Variants in CRACD observed in about 807,000 individuals in gnomAD.
CRACD encodes capping protein inhibiting regulator of actin dynamics.
CRACD carries 56 observed loss-of-function variants against 106.8 expected under a neutral mutation model. The ratio of observed to expected loss-of-function variants is 0.52; its 90% confidence interval spans 0.42 to 0.66. The LOEUF (loss-of-function observed/expected upper bound fraction) is 0.66. Ranked by LOEUF, CRACD falls within the 30% of genes least tolerant of loss-of-function variation. The pLI, the probability that CRACD is intolerant of heterozygous loss-of-function variation, is 0.00. For synonymous variants in CRACD, 754 were observed against 670.8 expected, an observed-to-expected ratio of 1.12 and a Z score of -1.92; for missense variants, 1,730 against 1,623.2, an observed-to-expected ratio of 1.07 and a Z score of -1.13.
intron 2 of CRACD, among the ~76,000 whole-genome samples, chr4:56,268,152 TTAAA>T (rs1463582174): frequency 6.6e-6 from 1 of 152,258 alleles, no homozygotes; most frequent in Non-Finnish European, 1.5e-5. Flanking sequence ...TACCTGTTGG[TTAAA>T]TAGATGAGTA....
chr4:56,059,431 G>T (rs1378537042), intron 1 of CRACD, among the ~76,000 whole-genome samples: 1 of 152,194 alleles, frequency 6.6e-6, no homozygotes, highest in Non-Finnish European at 1.5e-5. Flanking sequence ...AGCCGAGATT[G>T]TGCCACTGAA....
chr4:56,173,265 A>G (rs1465902718), intron 1 of CRACD, among the ~76,000 whole-genome samples: 2 of 152,222 alleles, frequency 1.3e-5, no homozygotes, highest in Non-Finnish European at 2.9e-5. Flanking sequence ...CTTCTCCTTC[A>G]AAACATGCAT....
intron 4 of CRACD, among the ~76,000 whole-genome samples, chr4:56,302,497 C>T (rs966778415): frequency 3.3e-5 from 5 of 152,190 alleles, no homozygotes; most frequent in African/African-American, 9.7e-5. Flanking sequence ...TGGCTTGTAT[C>T]TCCCACCGAG....
intron 2 of CRACD, among the ~76,000 whole-genome samples, chr4:56,188,705 C>CAGAGAG (rs1347669625): frequency 6.6e-5 from 9 of 136,200 alleles, no homozygotes; most frequent in African/African-American, 2.7e-4. Context: ...CACACACACA[C>CAGAGAG]ACACACAGAG....
At chr4:56,266,015 C>G (rs1290858177) in intron 2 of CRACD, among the ~76,000 whole-genome samples, 1 of 150,964 alleles carries the variant, frequency 6.6e-6, no homozygotes, top group African/African-American at 2.4e-5. Context: ...ATGCAGCCAT[C>G]AAATGGTATG....
At chr4:56,117,135 C>T (rs75895086) in intron 1 of CRACD, among the ~76,000 whole-genome samples, 6,665 of 151,742 alleles carry the variant, frequency 0.044, 160 homozygotes, top group East Asian at 0.065. Context: ...ATTCTCCCAC[C>T]TTAGCCTCCT....
At chr4:56,266,576 G>A (rs1023487298) in intron 2 of CRACD, among the ~76,000 whole-genome samples, 2 of 152,158 alleles carry the variant, frequency 1.3e-5, no homozygotes, top group Admixed American at 1.3e-4. Context: ...CAGTTGTTCC[G>A]GAATATTTCC....
At chr4:56,302,037 T>A (rs1744399247) in intron 4 of CRACD, among the ~76,000 whole-genome samples, 1 of 151,928 alleles carries the variant, frequency 6.6e-6, no homozygotes, top group South Asian at 2.1e-4. Flanking sequence ...CAGAATGCAG[T>A]GGAATATAAA....
chr4:56,148,482 T>TG (rs746835025), intron 1 of CRACD, among the ~76,000 whole-genome samples: 13 of 152,134 alleles, frequency 8.5e-5, no homozygotes, highest in Non-Finnish European at 1.3e-4. Flanking sequence ...TTTGTGGAGA[T>TG]GGGGTCTCAC....
chr4:56,261,478 G>A (rs182520142), intron 2 of CRACD, among the ~76,000 whole-genome samples: 1 of 150,948 alleles, frequency 6.6e-6, no homozygotes, highest in Non-Finnish European at 1.5e-5. Context: ...AGCCTCCCCA[G>A]TAGCTTGGAT....
chr4:56,323,304 T>G, intron 8 of CRACD, 73 bp from the exon 9 acceptor site: 1 of 1,336,606 alleles, frequency 7.5e-7, no homozygotes, highest in Non-Finnish European at 1.0e-6. Flanking sequence ...GTCACAAGTT[T>G]TAGGGGGTGA....
chr4:56,316,101 A>G lies in CRACD; in HGVS notation c.2599A>G (p.Lys867Glu). 1 of 1,611,876 alleles carries G rather than the reference A, an allele frequency of 6.2e-7. No homozygotes were observed. The highest frequency in any genetic ancestry group is 8.5e-7 in the Non-Finnish European group (1 of 1,178,622). Reference protein sequence around the residue: ...RFNCDQQAEQKKKKRHSSTGD... With the variant: ...RFNCDQQAEQEKKKRHSSTGD... Reference sequence around the variant, plus strand: ...CAACTGCGACCAACAGGCAGAACAGAAGAAGAAGAAGAGGCACAGCAGCAC... The same window carrying G: ...CAACTGCGACCAACAGGCAGAACAGGAGAAGAAGAAGAGGCACAGCAGCAC... The change falls in exon 8 of 11, where the codon AAG becomes GAG. Residue 867 changes from lysine (K) to glutamate (E), a missense_variant. Physicochemically the swap from Lys to Glu is moderately conservative, Grantham distance 56 (BLOSUM62 1). Around this residue, in one of 5 missense-constraint regions of CRACD, gnomAD observed 1,620 missense variants for 1,481.6 expected, o/e 1.09. Transcript: ENST00000682029.
At chr4:56,266,327 T>G (rs1260287608) in intron 2 of CRACD, among the ~76,000 whole-genome samples, 1 of 152,192 alleles carries the variant, frequency 6.6e-6, no homozygotes, top group East Asian at 1.9e-4. Flanking sequence ...TCATAGCTAG[T>G]AAAAGATGGG....
chr4:56,180,113 A>G (rs1736750167), intron 2 of CRACD, among the ~76,000 whole-genome samples: 1 of 152,128 alleles, frequency 6.6e-6, no homozygotes, highest in Non-Finnish European at 1.5e-5. Context: ...TTTGAGCCAT[A>G]GAGCTTGGTC....
At chr4:56,148,029 C>A (rs1178023379) in intron 1 of CRACD, among the ~76,000 whole-genome samples, 1 of 152,094 alleles carries the variant, frequency 6.6e-6, no homozygotes. Flanking sequence ...AGGGAAAAGG[C>A]CATGTGAAGA....
chr4:56,105,214 G>T (rs1484826646), intron 1 of CRACD, among the ~76,000 whole-genome samples: 1 of 152,076 alleles, frequency 6.6e-6, no homozygotes, highest in Non-Finnish European at 1.5e-5. Context: ...AATAATGTTT[G>T]CTGGCAGGGC....
intron 1 of CRACD, among the ~76,000 whole-genome samples, chr4:56,108,991 C>T (rs1004238604): frequency 1.3e-5 from 2 of 152,156 alleles, no homozygotes; most frequent in African/African-American, 4.8e-5. Context: ...ATCCAGCCTC[C>T]CACAAGAAGC....
chr4:56,203,456 G>C (rs17745288), intron 2 of CRACD, among the ~76,000 whole-genome samples: 5,057 of 152,238 alleles, frequency 0.033, 116 homozygotes, highest in Admixed American at 0.058. Context: ...TTTTCATGAT[G>C]GACCCTGGGT....
In CRACD at chr4:56,315,429, G is replaced by T; in HGVS notation, c.1927G>T (p.Gly643Cys). The change falls in exon 8 of 11, where the codon GGC (glycine) becomes TGC (cysteine). Residue 643 changes from glycine to cysteine, a missense_variant. This residue lies in a region of CRACD where 1,620 missense variants were observed against 1,481.6 expected (regional missense o/e 1.09). Transcript: ENST00000682029. This position sits in a 1 kb window ranked among gnomAD's most constrained non-coding sequence, Gnocchi z 4.1. Reference protein sequence around the residue: ...PAGENPPRGPGDARAGSGKAK... With the variant: ...PAGENPPRGPCDARAGSGKAK... ...TGGGGAGAACCCTCCCCGAGGCCCC[G>T]GCGACGCGAGGGCGGGCAGCGGGAA... The T allele has an allele frequency of 6.2e-7, 1 of 1,612,644 alleles. No individual in the cohort carries two copies. The highest frequency in any genetic ancestry group is 8.5e-7 in the Non-Finnish European group (1 of 1,179,618).
Sources: allele counts gnomAD v4.1 joint callset (sites outside exome capture counted in the v4.1 genomes callset), GRCh38; gene constraint gnomAD v4.1.1; regional missense constraint gnomAD v4.1.1; non-coding constraint Gnocchi (gnomAD v3.1); transcripts MANE v1.5; gene names NCBI Gene and HGNC (gene_info 2026-07-23, HGNC 2026-07-21).